The following AMY2B variants were observed in gnomAD, a reference collection of about 807,000 sequenced individuals.
AMY2B encodes the protein alpha-amylase 2B.
AMY2B carries 63 observed loss-of-function variants against 59.3 expected under a neutral mutation model. The observed-to-expected ratio is 1.06, with a 90% CI of 0.87 to 1.31. The LOEUF (loss-of-function observed/expected upper bound fraction) is 1.31, where lower values mean the gene tolerates loss of function less well. Among genes scored for constraint, AMY2B ranks in the 50% most tolerant of loss-of-function variants. The probability of loss-of-function intolerance (pLI) is 0.00; values close to 1 mark genes in which losing one functional copy is unlikely to be tolerated. For synonymous variants in AMY2B, 180 were observed against 198.1 expected (o/e 0.91, Z 0.77); for missense variants, 635 against 626.7 (o/e 1.01, Z -0.14).
At chr1:103,562,446 G>A (rs1651762835) in intron 1 of AMY2B, among the ~76,000 whole-genome samples, 1 of 152,104 alleles carries the variant, frequency 6.6e-6, no homozygotes, top group Non-Finnish European at 1.5e-5. Context: ...GGAAGGGCTG[G>A]TGGTTGAAGG....
At chr1:103,562,672 C>CTTTTTT (rs373215753) in intron 1 of AMY2B, among the ~76,000 whole-genome samples, 15 of 112,080 alleles carry the variant, frequency 1.3e-4, no homozygotes, top group East Asian at 5.0e-4. Flanking sequence ...GATAACTTGT[C>CTTTTTT]TTTTTTTTTT....
At chr1:103,574,055 T>A in intron 4 of AMY2B, 117 bp downstream of exon 4, 1 of 1,563,748 alleles carries the variant, frequency 6.4e-7, no homozygotes, top group Non-Finnish European at 8.7e-7. Flanking sequence ...TATAAAATGG[T>A]GTTCTTTAAC....
intron 2 of AMY2B, 132 bp from the exon 3 acceptor site, chr1:103,572,931 T>C (rs1367262339): frequency 6.5e-6 from 10 of 1,541,638 alleles, no homozygotes; most frequent in South Asian, 1.2e-5. Context: ...ATTTTTGATC[T>C]TGTAGGAAAA....
intron 1 of AMY2B, among the ~76,000 whole-genome samples, chr1:103,557,766 A>G (rs1470590966): frequency 6.6e-6 from 1 of 152,206 alleles, no homozygotes; most frequent in East Asian, 1.9e-4. Context: ...AGATGTGAGC[A>G]GTTTTATGAA....
intron 9 of AMY2B, 47 bp from the exon 10 acceptor site, chr1:103,579,264 C>A: frequency 6.2e-7 from 1 of 1,611,354 alleles, no homozygotes; most frequent in Non-Finnish European, 8.5e-7. Flanking sequence ...AGCCTGTATT[C>A]TTGATTTTCA....
chr1:103,574,711 T>C (rs551087610), intron 5 of AMY2B, among the ~76,000 whole-genome samples: 2 of 152,140 alleles, frequency 1.3e-5, no homozygotes, highest in African/African-American at 2.4e-5. Context: ...CTATCATTTA[T>C]AAAGTATGTA....
In AMY2B at chr1:103,574,408, C is replaced by T. The variant is rs1048912032; in HGVS notation, c.878+15C>T. 1 of 1,610,646 alleles carries T rather than the reference C, an allele frequency of 6.2e-7. No homozygotes were observed. Among genetic ancestry groups the T allele is most frequent in the African/African-American group, 1.3e-5 (1 of 74,834 alleles). On this transcript the variant is annotated intron_variant, in intron 5 of 9. Coordinates refer to ENST00000684275, the MANE Select transcript of AMY2B (RefSeq NM_001387437.1). The stretch of plus-strand genomic sequence containing the variant: ...TCTTACCTAAAGTAAATAAATACAA[C>T]TTTTCCCCTGAAGTATTTCATAGAT...
intron 1 of AMY2B, among the ~76,000 whole-genome samples, chr1:103,563,272 G>C (rs1332225175): frequency 6.6e-6 from 1 of 152,014 alleles, no homozygotes; most frequent in Non-Finnish European, 1.5e-5. Context: ...GTAACCGTTA[G>C]AGCTTTAGAG....
chr1:103,570,259 G>A (rs1652067316), upstream of AMY2B: 2 of 548,082 alleles, frequency 3.6e-6, no homozygotes, highest in Non-Finnish European at 7.3e-6. Context: ...CTCCTCCCTG[G>A]AGAAGAGATA....
chr1:103,557,413 G>T (rs1651591817), intron 1 of AMY2B, among the ~76,000 whole-genome samples: 1 of 152,096 alleles, frequency 6.6e-6, no homozygotes, highest in Non-Finnish European at 1.5e-5. Context: ...CACTTTGGGA[G>T]GCCAACGCAG....
chr1:103,557,192 A>C (rs1434262540), intron 1 of AMY2B, among the ~76,000 whole-genome samples: 1 of 152,138 alleles, frequency 6.6e-6, no homozygotes, highest in African/African-American at 2.4e-5. Context: ...ACATACATAC[A>C]CACAAAACAT....
rs771258177 is a variant in AMY2B, at chr1:103,575,335, T to G, written c.991T>G (p.Trp331Gly). 14 of 1,613,492 alleles carry G rather than the reference T, an allele frequency of 8.7e-6. No homozygotes were observed. The highest frequency in any genetic ancestry group is 1.3e-5 in the African/African-American group (1 of 74,880). ...TGGAGGAGCCTCTATTCTTACCTTCTGGGATGCTAGGTAGAAAACCAAGTT... is the reference window on the plus strand; with the variant it reads ...TGGAGGAGCCTCTATTCTTACCTTCGGGGATGCTAGGTAGAAAACCAAGTT... ...GAGGASILTFWDARLYKMAVG... is the reference protein window; with the variant it reads ...GAGGASILTFGDARLYKMAVG... Residue 331 changes from tryptophan (W) to glycine (G), a missense_variant, in exon 6 of 10, where the codon TGG (tryptophan) becomes GGG (glycine). Trp to Gly is a radical substitution (Grantham distance 184, BLOSUM62 -2). Coordinates refer to ENST00000684275, the MANE Select transcript of AMY2B (RefSeq NM_001387437.1).
upstream of AMY2B, among the ~76,000 whole-genome samples, chr1:103,566,696 C>T (rs568045759): frequency 8.5e-5 from 13 of 152,216 alleles, no homozygotes; most frequent in African/African-American, 3.1e-4. Context: ...GACTTGCAAT[C>T]AGACTTATTA....
Position 103,577,844 on chromosome 1 carries a change from T to G in AMY2B, c.1345T>G (p.Trp449Gly). ...RGFIVFNNDD[W>G]TFSLTLQTGL... The stretch of plus-strand genomic sequence containing the variant: ...ATTCATTGTTTTCAACAATGATGAC[T>G]GGTAAGTACATATCAATTAAAAATA... Residue 449 changes from tryptophan (W) to glycine (G), a missense_variant and splice_region_variant, in exon 9 of 10, where the codon TGG becomes GGG. Transcript: ENST00000684275. 1 of 1,602,184 alleles carries G rather than the reference T, an allele frequency of 6.2e-7. No homozygotes were observed. Among genetic ancestry groups the G allele is most frequent in the Non-Finnish European group, 8.5e-7 (1 of 1,179,700 alleles).
upstream of AMY2B, chr1:103,570,693 G>C: frequency 8.9e-6 from 5 of 563,378 alleles, no homozygotes; most frequent in South Asian, 7.1e-5. Context: ...TGAGCAGATG[G>C]CTAGCAATTG....
At chr1:103,563,620 A>G (rs1054744391) in intron 1 of AMY2B, among the ~76,000 whole-genome samples, 3 of 152,152 alleles carry the variant, frequency 2.0e-5, no homozygotes, top group African/African-American at 7.2e-5. Context: ...GACTCTTAGT[A>G]GAAGCTTATT....
intron 7 of AMY2B, 71 bp downstream of exon 7, chr1:103,575,611 G>T: frequency 1.3e-6 from 2 of 1,580,612 alleles, no homozygotes; most frequent in South Asian, 1.1e-5. Context: ...AACTTAATAT[G>T]ACAACTATTA....
At chr1:103,568,804 T>A (rs944728156), upstream of AMY2B, 10 of 151,522 alleles carry the variant, frequency 6.6e-5, no homozygotes, top group African/African-American at 1.9e-4. Flanking sequence ...ATATATGGAA[T>A]ATATATATGT....
chr1:103,558,919 C>T (rs1273616475), intron 1 of AMY2B, among the ~76,000 whole-genome samples: 3 of 151,768 alleles, frequency 2.0e-5, no homozygotes, highest in African/African-American at 4.8e-5. Context: ...GAGTTTTTTT[C>T]GTCATTATTT....
Sources: allele counts gnomAD v4.1 joint callset (sites outside exome capture counted in the v4.1 genomes callset), GRCh38; gene constraint gnomAD v4.1.1; transcripts MANE v1.5; gene names NCBI Gene and HGNC (gene_info 2026-07-23, HGNC 2026-07-21).